Variants in COL18A1 observed in about 807,000 individuals in gnomAD.
The protein encoded by COL18A1 is collagen type XVIII alpha 1 chain, also known as collagen alpha-1(XVIII) chain.
Under a neutral mutation model 168.0 loss-of-function variants are expected in COL18A1, and 133 were observed. That is an observed-to-expected ratio of 0.79 (90% confidence interval 0.69 to 0.91). The LOEUF (loss-of-function observed/expected upper bound fraction) is 0.91. Ranked by LOEUF, COL18A1 falls within the 40% of genes least tolerant of loss-of-function variation. COL18A1 has a pLI of 0.00. For synonymous variants in COL18A1, 949 were observed against 809.0 expected (o/e 1.17, Z -2.94); for missense variants, 2,126 against 1,925.4 (o/e 1.10, Z -1.95).
intron 32 of COL18A1, among the ~76,000 whole-genome samples, chr21:45,503,327 A>G (rs902031998): frequency 2.0e-5 from 3 of 151,936 alleles, no homozygotes; most frequent in East Asian, 3.9e-4. Context: ...GCCAGTGATG[A>G]TGAGCATTTT....
At chr21:45,448,105 G>T (rs567058585) in intron 2 of COL18A1, among the ~76,000 whole-genome samples, 3 of 152,340 alleles carry the variant, frequency 2.0e-5, no homozygotes, top group African/African-American at 7.2e-5. Context: ...TAGGGAGTTT[G>T]CCAGAAGACA....
intron 2 of COL18A1, chr21:45,421,599 CCTCTT>C (rs1352877276): frequency 3.7e-6 from 2 of 534,144 alleles, no homozygotes; most frequent in Admixed American, 3.9e-5. Context: ...CTCCTGCAGT[CCTCTT>C]CTCTTGCCTG....
intron 2 of COL18A1, chr21:45,422,678 A>C: frequency 3.1e-6 from 1 of 320,874 alleles, no homozygotes; most frequent in Non-Finnish European, 6.2e-6. Context: ...AGGAAAGGGG[A>C]GGTAGCGGCC....
chr21:45,442,986 G>A (rs1234093326), intron 2 of COL18A1, among the ~76,000 whole-genome samples: 3 of 145,590 alleles, frequency 2.1e-5, no homozygotes, highest in Non-Finnish European at 3.0e-5. Context: ...TGTGGGTGGC[G>A]GTGCTGGTGT....
chr21:45,488,442 A>C lies in COL18A1; in HGVS notation c.1921A>C (p.Lys641Gln), dbSNP rs1466763962. Residue 641 changes from lysine to glutamine, a missense_variant and splice_region_variant, in exon 18 of 42, where the codon AAG (lysine) becomes CAG (glutamine). Physicochemically the swap from Lys to Gln is moderately conservative, Grantham distance 53 (BLOSUM62 1). Coordinates refer to ENST00000651438, the MANE Select transcript of COL18A1 (RefSeq NM_001379500.1). The stretch of plus-strand genomic sequence containing the variant: ...GGGACCTCCCGGCCTGCCGGGACTT[A>C]AGGTCAGTGACGGATATGTCTGGGT... The part of the protein sequence containing the change: ...PQGPPGLPGL[K>Q]GDPGVPGLPG... 3.7e-5 allele frequency: 60 copies of C among 1,613,630 alleles called. No homozygotes were observed. The highest frequency in any genetic ancestry group is 4.3e-5 in the Non-Finnish European group (51 of 1,179,906).
In COL18A1 at chr21:45,443,996, G is replaced by GACTCT. The variant is rs2034450088; in HGVS notation, c.107-24246_107-24245insACTCT. On this transcript the variant is annotated intron_variant, in intron 2 of 41. Coordinates refer to ENST00000651438, the MANE Select transcript of COL18A1 (RefSeq NM_001379500.1). The surrounding 1 kb of genome is among the most constrained non-coding windows in gnomAD (Gnocchi z 5.2). ...GTAGGTGTCTGGCCCTACCACTGGG[G>GACTCT]GGCCATGTTGCCACGCAAGAATTCA... Among the ~76,000 whole-genome samples, 2 of 152,174 alleles carry GACTCT rather than the reference G, an allele frequency of 1.3e-5. No individual in the cohort carries two copies. Among genetic ancestry groups the GACTCT allele is most frequent in the Admixed American group, 1.3e-4 (2 of 15,288 alleles).
At chr21:45,448,614 T>A (rs903160329) in intron 2 of COL18A1, among the ~76,000 whole-genome samples, 2 of 152,254 alleles carry the variant, frequency 1.3e-5, no homozygotes, top group African/African-American at 4.8e-5. Context: ...GCCCTGTAGA[T>A]GCACTTCTGT....
chr21:45,425,325 C>A lies in COL18A1; in HGVS notation c.106+19852C>A, dbSNP rs764452118. On this transcript the variant is annotated intron_variant, in intron 2 of 41. Transcript: ENST00000651438. The surrounding 1 kb of genome is among the most constrained non-coding windows in gnomAD (Gnocchi z 4.1). ...GTGCAGTGTGACCGCGTCCACCTGT[C>A]TCCCTGGACACGCCTGTCAGAGCCC... 1.8e-4 allele frequency among the ~76,000 whole-genome samples: 28 copies of A among 152,208 alleles called. No individual in the cohort carries two copies. The highest frequency in any genetic ancestry group is 3.2e-4 in the Non-Finnish European group (22 of 68,030).
At position 45,498,615 on chromosome 21, in the gene COL18A1, G is replaced by T; in HGVS notation, c.2683+954G>T. ...CTGGGCCGGGACATCCTTAAGGCCT[G>T]TGGAGGCAAAGGCAGGCAGAAAGCA... is the stretch of plus-strand genomic sequence containing the variant. On this transcript the variant is annotated intron_variant, in intron 32 of 41. Coordinates refer to ENST00000651438, the MANE Select transcript of COL18A1 (RefSeq NM_001379500.1). The surrounding 1 kb of genome is among the most constrained non-coding windows in gnomAD (Gnocchi z 4.5). 1.4e-6 allele frequency: 1 copy of T among 707,696 alleles called. No homozygotes were observed. The highest frequency in any genetic ancestry group is 1.5e-5 in the South Asian group (1 of 67,370). The allele number at this position is 707,696 out of a possible 1,614,324, so 43.8% of individuals were successfully genotyped here.
chr21:45,505,404 C>G lies in COL18A1; in HGVS notation c.3060C>G (p.Pro1020=). The G allele has an allele frequency of 6.3e-7, 1 of 1,584,134 alleles. No homozygotes were observed. The highest frequency in any genetic ancestry group is 1.1e-5 in the South Asian group (1 of 89,426). ...CGGGCCCCCCTGGGCCCCCTGGGCC[C>G]CCTGGAACCATGGGCGCCTCCTCAG... is the stretch of plus-strand genomic sequence containing the variant. The part of the protein sequence containing the change: ...GPPGPPGPPG[P]PGTMGASSGV... The change falls in exon 36 of 42, where the codon CCC becomes CCG. Residue 1020 remains proline, a synonymous_variant. Coordinates refer to ENST00000651438, the MANE Select transcript of COL18A1 (RefSeq NM_001379500.1).
Position 45,498,377 on chromosome 21 carries a change from C to T in COL18A1, c.2683+716C>T. ...GGTTCCCTCTCGCCACCACGGTCCC[C>T]TCTCGCCGCCAGGGTCCCCTCTCGC... On this transcript the variant is annotated intron_variant, in intron 32 of 41. Coordinates refer to ENST00000651438, the MANE Select transcript of COL18A1 (RefSeq NM_001379500.1). This position sits in a 1 kb window ranked among gnomAD's most constrained non-coding sequence, Gnocchi z 4.5. 1.5e-6 allele frequency: 1 copy of T among 660,262 alleles called. No homozygotes were observed. Among genetic ancestry groups the T allele is most frequent in the Non-Finnish European group, 2.8e-6 (1 of 357,006 alleles). The allele number at this position is 660,262 out of a possible 1,614,324, so 40.9% of individuals were successfully genotyped here. A position where few individuals can be genotyped will look rare whatever the true frequency, so the allele number is the denominator to read the frequency against.
In COL18A1 at chr21:45,456,970, C is replaced by T. The variant is rs1014126256; in HGVS notation, c.107-11272C>T. The T allele has an allele frequency of 4.0e-5, 43 of 1,072,744 alleles. No homozygotes were observed. The Middle Eastern group carries it at 6.6e-4, about 16-fold the overall frequency. 66.5% of individuals were successfully genotyped at this position (1,072,744 alleles called of 1,614,324 possible). ...GGCTGACGTGAGCCTGGTACAGGTTCCCCCCACATCGAATCTCTACGTTCA... is the reference window on the plus strand; with the variant it reads ...GGCTGACGTGAGCCTGGTACAGGTTTCCCCCACATCGAATCTCTACGTTCA... On this transcript the variant is annotated intron_variant, in intron 2 of 41. Transcript: ENST00000651438.
chr21:45,431,034 G>A (rs2033944802), intron 2 of COL18A1, among the ~76,000 whole-genome samples: 1 of 152,246 alleles, frequency 6.6e-6, no homozygotes, highest in Non-Finnish European at 1.5e-5. Context: ...ACTGTTCTCA[G>A]GCAGGCACTG....
chr21:45,467,628 G>A (rs891546973), intron 2 of COL18A1, among the ~76,000 whole-genome samples: 3 of 152,190 alleles, frequency 2.0e-5, no homozygotes, highest in Non-Finnish European at 4.4e-5. Context: ...TCTGGGCGAC[G>A]CCCCGTAGCC....
intron 13 of COL18A1, 79 bp downstream of exon 13, chr21:45,480,937 T>C (rs1465303924): frequency 2.6e-6 from 4 of 1,528,070 alleles, no homozygotes; most frequent in African/African-American, 1.4e-5. Flanking sequence ...TGGGAGCCCC[T>C]GCCCCGCCTC....
At chr21:45,442,887 G>A (rs111220606) in intron 2 of COL18A1, among the ~76,000 whole-genome samples, 3 of 143,418 alleles carry the variant, frequency 2.1e-5, no homozygotes, top group Non-Finnish European at 4.6e-5. Context: ...TGCTGGTGTG[G>A]GCAGCGGTGC....
intron 5 of COL18A1, among the ~76,000 whole-genome samples, 177 bp downstream of exon 5, chr21:45,475,712 C>T (rs1391647795): frequency 6.6e-6 from 1 of 152,088 alleles, no homozygotes. Flanking sequence ...GGAGCCTGGG[C>T]ACAGGCCCCG....
Position 45,425,525 on chromosome 21 carries a change from C to T in COL18A1, c.106+20052C>T, listed in dbSNP as rs1213618427. On this transcript the variant is annotated intron_variant, in intron 2 of 41. Transcript: ENST00000651438. The surrounding 1 kb of genome is among the most constrained non-coding windows in gnomAD (Gnocchi z 4.1). ...GGGGTCACAACCCCACTCACCCACACCCTCCTGCATGAACACTGCACAGCT... is the reference window on the plus strand; with the variant it reads ...GGGGTCACAACCCCACTCACCCACATCCTCCTGCATGAACACTGCACAGCT... Among the ~76,000 whole-genome samples the T allele has an allele frequency of 6.6e-6, 1 of 152,224 alleles. No homozygotes were observed. The highest frequency in any genetic ancestry group is 1.5e-5 in the Non-Finnish European group (1 of 68,040).
At chr21:45,500,135 GGA>G (rs987397079) in intron 32 of COL18A1, among the ~76,000 whole-genome samples, 11 of 107,588 alleles carry the variant, frequency 1.0e-4, no homozygotes, top group Non-Finnish European at 1.8e-4. Context: ...GGGTGTGGGT[GGA>G]GTGTGGAGTG....
Sources: allele counts gnomAD v4.1 joint callset (sites outside exome capture counted in the v4.1 genomes callset), GRCh38; gene constraint gnomAD v4.1.1; non-coding constraint Gnocchi (gnomAD v3.1); transcripts MANE v1.5; gene names NCBI Gene and HGNC (gene_info 2026-07-23, HGNC 2026-07-21).